GOLGB1: variants seen among roughly 807,000 people sequenced by gnomAD.
The protein encoded by GOLGB1 is golgin B1, also known as golgin subfamily B member 1.
In GOLGB1, 174 loss-of-function variants were observed where a neutral mutation model predicts 336.9. That is an observed-to-expected ratio of 0.52 (90% CI 0.46 to 0.59). The LOEUF is 0.59. Ranked by LOEUF, GOLGB1 falls within the 20% of genes least tolerant of loss-of-function variation. The pLI is 0.00. For missense variants in GOLGB1, 3,331 were observed against 3,645.3 expected, an observed-to-expected ratio of 0.91 and a Z score of 2.22; for synonymous variants, 1,208 against 1,289.2, an observed-to-expected ratio of 0.94 and a Z score of 1.35.
chr3:121,708,472 CA>C (rs950441900), intron 10 of GOLGB1, among the ~76,000 whole-genome samples: 23 of 143,466 alleles, frequency 1.6e-4, no homozygotes, highest in Admixed American at 2.1e-4. Context: ...CTTGTCTCTA[CA>C]AAAAAAAAAA....
intron 1 of GOLGB1, among the ~76,000 whole-genome samples, chr3:121,732,273 C>T (rs1392388159): frequency 1.3e-5 from 2 of 152,116 alleles, no homozygotes; most frequent in Admixed American, 1.3e-4. Context: ...AAGGTGGCTT[C>T]ATTAGTAGGT....
At chr3:121,692,699 G>A in intron 13 of GOLGB1, 118 bp from the exon 14 acceptor site, 1 of 598,594 alleles carries the variant, frequency 1.7e-6, no homozygotes, top group Non-Finnish European at 2.9e-6. Flanking sequence ...TTCATAACAG[G>A]TGTTAAATAT....
rs1324379025 is a variant in GOLGB1 at position 121,691,119 on chromosome 3, G to T, written c.8245C>A (p.Gln2749Lys). ...QSFGRSMSSL[Q>K]NSRDHANEEL... ...TCATTGGCATGATCTCTACTATTTT[G>T]CAAGGAACTCATAGACCTTCCAAAA... The change falls in exon 14 of 22, where the codon CAA (glutamine) becomes AAA (lysine). Residue 2749 changes from glutamine (Q) to lysine (K), a missense_variant. Gln to Lys is a moderately conservative substitution (Grantham distance 53). Transcript: ENST00000614479. 1.9e-6 allele frequency: 3 copies of T among 1,613,878 alleles called. No homozygotes were observed. The highest frequency in any genetic ancestry group is 1.1e-5 in the South Asian group (1 of 91,068).
In GOLGB1 at chr3:121,694,732, G is replaced by A; in HGVS notation, c.5791C>T (p.Leu1931Phe). 6.2e-7 allele frequency: 1 copy of A among 1,612,306 alleles called. No homozygotes were observed. Among genetic ancestry groups the A allele is most frequent in the Non-Finnish European group, 8.5e-7 (1 of 1,179,890 alleles). Residue 1931 changes from leucine to phenylalanine, a missense_variant, in exon 13 of 22, where the codon CTT becomes TTT. Coordinates refer to ENST00000614479, the MANE Select transcript of GOLGB1 (RefSeq NM_001366282.2). ...EEEKDDLEER[L>F]MNQLAELNGS... is the part of the protein sequence containing the mutation. ...TTAAGTTCTGCTAATTGATTCATAA[G>A]CCTCTCTTCCAAATCATCTTTCTCT...
chr3:121,703,871 C>G (rs1039369559), intron 10 of GOLGB1, among the ~76,000 whole-genome samples: 1 of 151,720 alleles, frequency 6.6e-6, no homozygotes, highest in Non-Finnish European at 1.5e-5. Flanking sequence ...AATAAAGAAG[C>G]TATTATATCT....
At chr3:121,729,601 G>A (rs1298728730) in intron 3 of GOLGB1, among the ~76,000 whole-genome samples, 1 of 151,730 alleles carries the variant, frequency 6.6e-6, no homozygotes, top group Non-Finnish European at 1.5e-5. Context: ...TTTTTTTGTG[G>A]AGACAGGGTC....
chr3:121,726,856 T>C, intron 5 of GOLGB1, 57 bp downstream of exon 5: 3 of 1,313,358 alleles, frequency 2.3e-6, no homozygotes, highest in Non-Finnish European at 3.1e-6. Flanking sequence ...CACATAATAA[T>C]CCATTGGTTT....
chr3:121,693,503 A>G (rs979782580), intron 13 of GOLGB1, among the ~76,000 whole-genome samples: 3 of 152,114 alleles, frequency 2.0e-5, no homozygotes, highest in Non-Finnish European at 4.4e-5. Context: ...AAAACAAAAC[A>G]GAAGTACAGA....
intron 1 of GOLGB1, among the ~76,000 whole-genome samples, chr3:121,740,165 A>G (rs1224535168): frequency 6.6e-6 from 1 of 152,182 alleles, no homozygotes; most frequent in African/African-American, 2.4e-5. Context: ...ACAGGAACCT[A>G]CACAGGTGAT....
intron 14 of GOLGB1, among the ~76,000 whole-genome samples, chr3:121,688,610 C>T (rs1416507945): frequency 2.0e-5 from 3 of 152,196 alleles, no homozygotes; most frequent in African/African-American, 4.8e-5. Context: ...GCCGCCACCC[C>T]GTCTGGGAAG....
chr3:121,700,674 G>T (rs1349165898), intron 11 of GOLGB1, among the ~76,000 whole-genome samples: 1 of 151,996 alleles, frequency 6.6e-6, no homozygotes, highest in Non-Finnish European at 1.5e-5. Flanking sequence ...ACACTGGTCT[G>T]TTTTCTCTTC....
chr3:121,729,722 T>G (rs894649189), intron 3 of GOLGB1, 143 bp downstream of exon 3: 1 of 627,934 alleles, frequency 1.6e-6, no homozygotes, highest in Non-Finnish European at 2.7e-6. Flanking sequence ...GACCCAAAAG[T>G]TATTTTCAGT....
At position 121,696,874 on chromosome 3, in the gene GOLGB1, A is replaced by C; in HGVS notation, c.3649T>G (p.Tyr1217Asp). ...TCAAACTGTTCTTGCAAGCGATTAT[A>C]GTCATCTTTCTGTTGCTTTAGCTCC... Reference protein sequence around the residue: ...REELKQQKDDYNRLQEQFDEQ... With the variant: ...REELKQQKDDDNRLQEQFDEQ... The change falls in exon 13 of 22, where the codon TAT becomes GAT. Residue 1217 changes from tyrosine (Y) to aspartate (D), a missense_variant. Physicochemically the swap from Tyr to Asp is radical, Grantham distance 160 (BLOSUM62 -3). Transcript: ENST00000614479. 1 of 1,614,168 alleles carries C rather than the reference A, an allele frequency of 6.2e-7. No homozygotes were observed. Among genetic ancestry groups the C allele is most frequent in the Non-Finnish European group, 8.5e-7 (1 of 1,179,998 alleles).
chr3:121,672,847 G>A (rs1244060180), intron 17 of GOLGB1, among the ~76,000 whole-genome samples: 1 of 152,186 alleles, frequency 6.6e-6, no homozygotes, highest in Non-Finnish European at 1.5e-5. Flanking sequence ...TCTGCATATA[G>A]ATATCCAGTT....
At position 121,730,960 on chromosome 3, in the gene GOLGB1, T is replaced by C. The variant is rs1200069167; in HGVS notation, c.12A>G (p.Arg4=). The C allele has an allele frequency of 3.1e-6, 5 of 1,612,096 alleles. No individual in the cohort carries two copies. Among genetic ancestry groups the C allele is most frequent in the Non-Finnish European group, 4.2e-6 (5 of 1,179,570 alleles). MLS[R]LSGLANVVLH... ...AAACAACATTTGCTAATCCTGATAA[T>C]CGGCTCAGCATTTCTGTAGGAAAAG... Residue 4 remains arginine (R), a synonymous_variant, in exon 2 of 22, where the codon CGA becomes CGG. Coordinates refer to ENST00000614479, the MANE Select transcript of GOLGB1 (RefSeq NM_001366282.2).
intron 1 of GOLGB1, among the ~76,000 whole-genome samples, chr3:121,745,542 A>G (rs187110804): frequency 9.8e-4 from 149 of 151,666 alleles, no homozygotes; most frequent in African/African-American, 2.7e-3. Flanking sequence ...GTATGTATAT[A>G]TATACATATG....
Position 121,697,757 on chromosome 3 carries a change from A to G in GOLGB1, c.2766T>C (p.Leu922=), listed in dbSNP as rs1484857735. The G allele has an allele frequency of 6.2e-7, 1 of 1,613,940 alleles. No homozygotes were observed. Among genetic ancestry groups the G allele is most frequent in the South Asian group, 1.1e-5 (1 of 91,080 alleles). Reference sequence around the variant, plus strand: ...CCCCAAGAGAAAACTTCTCTTCATTAAGCTGAACCATTTTCTCAGTCATAC... The same window carrying G: ...CCCCAAGAGAAAACTTCTCTTCATTGAGCTGAACCATTTTCTCAGTCATAC... ...SFSMTEKMVQ[L]NEEKFSLGVE... Residue 922 remains leucine (L), a synonymous_variant, in exon 13 of 22, where the codon CTT becomes CTC. Transcript: ENST00000614479.
At position 121,728,729 on chromosome 3, in the gene GOLGB1, C is replaced by A. The variant is rs569819440; in HGVS notation, c.402+459G>T. On this transcript the variant is annotated intron_variant, in intron 4 of 21. Coordinates refer to ENST00000614479, the MANE Select transcript of GOLGB1 (RefSeq NM_001366282.2). ...CCCAGGTAATTCAGCTGATTCAGCCCACATGCATGAAGCTTTAATCCACCA... is the reference window on the plus strand; with the variant it reads ...CCCAGGTAATTCAGCTGATTCAGCCAACATGCATGAAGCTTTAATCCACCA... Among the ~76,000 whole-genome samples the A allele has an allele frequency of 1.4e-3, 210 of 152,262 alleles. 1 individual carries two copies. Among genetic ancestry groups the A allele is most frequent in the South Asian group, 6.2e-3 (30 of 4,822 alleles).
intron 1 of GOLGB1, among the ~76,000 whole-genome samples, chr3:121,740,258 A>G (rs1280754441): frequency 6.6e-6 from 1 of 152,222 alleles, no homozygotes; most frequent in Admixed American, 6.5e-5. Flanking sequence ...ATCTATCTCA[A>G]TATCCTAATT....
Sources: allele counts gnomAD v4.1 joint callset (sites outside exome capture counted in the v4.1 genomes callset), GRCh38; gene constraint gnomAD v4.1.1; transcripts MANE v1.5; gene names NCBI Gene and HGNC (gene_info 2026-07-23, HGNC 2026-07-21).